Variants in ADAMTS3 observed in about 807,000 individuals in gnomAD.
ADAMTS3 encodes the protein A disintegrin and metalloproteinase with thrombospondin motifs 3.
In ADAMTS3, 73 loss-of-function variants were observed where a neutral mutation model predicts 129.0. That is an observed-to-expected ratio of 0.57 (90% confidence interval 0.47 to 0.69). The LOEUF (loss-of-function observed/expected upper bound fraction) is 0.69, where lower values mean the gene tolerates loss of function less well. Ranked by LOEUF, ADAMTS3 falls within the 30% of genes least tolerant of loss-of-function variation. ADAMTS3 has a pLI of 0.00. For synonymous variants in ADAMTS3, 477 were observed against 510.8 expected (o/e 0.93, Z 0.89); for missense variants, 1,457 against 1,514.5 (o/e 0.96, Z 0.63).
intron 3 of ADAMTS3, among the ~76,000 whole-genome samples, chr4:72,498,127 A>C: frequency 6.6e-6 from 1 of 152,116 alleles, no homozygotes; most frequent in East Asian, 1.9e-4. Context: ...TAACATATTA[A>C]GTAAAATGTG....
At chr4:72,472,833 G>A (rs146934860) in intron 3 of ADAMTS3, among the ~76,000 whole-genome samples, 128 of 152,220 alleles carry the variant, frequency 8.4e-4, no homozygotes, top group African/African-American at 3.0e-3. Flanking sequence ...AGCACTGCAC[G>A]AACTTTGGCT....
intron 4 of ADAMTS3, among the ~76,000 whole-genome samples, chr4:72,387,942 A>C (rs1721489964): frequency 6.6e-6 from 1 of 152,220 alleles, no homozygotes; most frequent in Non-Finnish European, 1.5e-5. Flanking sequence ...GTAGTTTTCT[A>C]AGATCAAAGT....
At chr4:72,533,905 C>T (rs915771205) in intron 3 of ADAMTS3, among the ~76,000 whole-genome samples, 1 of 152,134 alleles carries the variant, frequency 6.6e-6, no homozygotes, top group African/African-American at 2.4e-5. Flanking sequence ...AACATTTATA[C>T]ATGCAATTTC....
chr4:72,301,899 G>T (rs557150882), intron 17 of ADAMTS3, among the ~76,000 whole-genome samples: 31 of 152,054 alleles, frequency 2.0e-4, no homozygotes, highest in African/African-American at 7.2e-4. Flanking sequence ...ATCTACATGG[G>T]TCCATGACTG....
chr4:72,340,562 C>G (rs1439161312), intron 4 of ADAMTS3, among the ~76,000 whole-genome samples: 1 of 151,768 alleles, frequency 6.6e-6, no homozygotes, highest in East Asian at 1.9e-4. Context: ...AACTTTTATT[C>G]AAAGAAAAAT....
Position 72,455,996 on chromosome 4 carries a change from ATTT to A in ADAMTS3, c.505-41028_505-41026del, listed in dbSNP as rs1718571359. ...TACATATAGTATATATACTATATAT[ATTT>A]TACATATAGTATATATACTATATAT... On this transcript the variant is annotated intron_variant, in intron 3 of 21. Coordinates refer to ENST00000286657, the MANE Select transcript of ADAMTS3 (RefSeq NM_014243.3). Among the ~76,000 whole-genome samples the A allele has an allele frequency of 4.0e-5, 2 of 50,438 alleles. 1 individual carries two copies. Among genetic ancestry groups the A allele is most frequent in the African/African-American group, 1.4e-4 (2 of 14,196 alleles). 33.1% of individuals were successfully genotyped at this position (50,438 alleles called of 152,430 possible).
chr4:72,419,437 G>A (rs913811684), intron 3 of ADAMTS3, among the ~76,000 whole-genome samples: 31 of 152,192 alleles, frequency 2.0e-4, no homozygotes, highest in Non-Finnish European at 2.6e-4. Flanking sequence ...AAATATGGGA[G>A]TATTGCTATA....
At chr4:72,427,487 A>G (rs1560511756) in intron 3 of ADAMTS3, among the ~76,000 whole-genome samples, 3 of 152,184 alleles carry the variant, frequency 2.0e-5, no homozygotes, top group East Asian at 3.9e-4. Flanking sequence ...ATGCAAAATG[A>G]CATCATGAGG....
intron 9 of ADAMTS3, 70 bp from the exon 10 acceptor site, chr4:72,318,774 A>G: frequency 1.3e-6 from 2 of 1,483,438 alleles, no homozygotes; most frequent in Admixed American, 1.9e-5. Context: ...TTTAAAAAAA[A>G]GTAGTCTTAG....
At chr4:72,299,523 G>T (rs1411495118) in intron 17 of ADAMTS3, among the ~76,000 whole-genome samples, 6 of 152,120 alleles carry the variant, frequency 3.9e-5, no homozygotes, top group East Asian at 1.9e-4. Context: ...TTAGTAGACT[G>T]AAGGGAACAA....
At chr4:72,514,766 G>A (rs1356573606) in intron 3 of ADAMTS3, among the ~76,000 whole-genome samples, 1 of 151,804 alleles carries the variant, frequency 6.6e-6, no homozygotes, top group African/African-American at 2.4e-5. Context: ...AATTTAAAAA[G>A]TAATCCAAAT....
At chr4:72,305,865 T>C (rs1719074745) in intron 16 of ADAMTS3, 122 bp downstream of exon 16, 2 of 819,758 alleles carry the variant, frequency 2.4e-6, no homozygotes, top group Non-Finnish European at 4.0e-6. Flanking sequence ...CGTATGCACA[T>C]GTATGTACAT....
At chr4:72,381,714 A>G (rs1465937684) in intron 4 of ADAMTS3, among the ~76,000 whole-genome samples, 1 of 152,150 alleles carries the variant, frequency 6.6e-6, no homozygotes, top group African/African-American at 2.4e-5. Flanking sequence ...GGAGTTATAA[A>G]ACAATGAAGA....
intron 2 of ADAMTS3, among the ~76,000 whole-genome samples, chr4:72,555,373 G>A (rs1279240742): frequency 3.3e-5 from 5 of 151,752 alleles, no homozygotes; most frequent in Non-Finnish European, 2.9e-5. Flanking sequence ...CTACACTGCA[G>A]CATCACTACA....
At chr4:72,465,745 T>C (rs1718901836) in intron 3 of ADAMTS3, among the ~76,000 whole-genome samples, 1 of 152,000 alleles carries the variant, frequency 6.6e-6, no homozygotes, top group Admixed American at 6.6e-5. Flanking sequence ...TCACCTTGAA[T>C]TGCAATAATC....
chr4:72,567,118 G>A (rs907591299), intron 2 of ADAMTS3, among the ~76,000 whole-genome samples: 1 of 152,094 alleles, frequency 6.6e-6, no homozygotes, highest in Non-Finnish European at 1.5e-5. Context: ...CATATCAGTG[G>A]CTTGTACAAA....
At chr4:72,360,954 A>T (rs1194375206) in intron 4 of ADAMTS3, among the ~76,000 whole-genome samples, 1 of 152,112 alleles carries the variant, frequency 6.6e-6, no homozygotes, top group Non-Finnish European at 1.5e-5. Context: ...ATATGCTACA[A>T]GTAACCAGTG....
chr4:72,530,475 A>AATATATAAATATATAAAATAT (rs1334957984), intron 3 of ADAMTS3, among the ~76,000 whole-genome samples: 2 of 81,632 alleles, frequency 2.5e-5, no homozygotes, highest in Admixed American at 2.3e-4. Context: ...ATATTAATTT[A>AATATATAAATATATAAAATAT]ATATATAAAT....
chr4:72,362,467 A>G (rs1026414461), intron 4 of ADAMTS3, among the ~76,000 whole-genome samples: 7 of 152,186 alleles, frequency 4.6e-5, no homozygotes, highest in Non-Finnish European at 8.8e-5. Context: ...CTTCATTTAG[A>G]TATTACGAAA....
Sources: allele counts gnomAD v4.1 joint callset (sites outside exome capture counted in the v4.1 genomes callset), GRCh38; gene constraint gnomAD v4.1.1; transcripts MANE v1.5; gene names NCBI Gene and HGNC (gene_info 2026-07-23, HGNC 2026-07-21).